The following ZXDC variants were observed in gnomAD, a reference collection of about 807,000 sequenced individuals.
The protein encoded by ZXDC is ZXD family zinc finger C, also known as zinc finger protein ZXDC.
Under a neutral mutation model 63.6 loss-of-function variants are expected in ZXDC, and 58 were observed. The observed-to-expected ratio is 0.91, with a 90% CI of 0.74 to 1.13. ZXDC has a LOEUF of 1.13. Ranked by LOEUF, ZXDC falls within the 50% of genes most tolerant of loss-of-function variation. The pLI, the probability that ZXDC is intolerant of heterozygous loss-of-function variation, is 0.00. For synonymous variants in ZXDC, 561 were observed against 496.1 expected (o/e 1.13, Z -1.74); for missense variants, 1,133 against 1,148.9 (o/e 0.99, Z 0.20).
intron 7 of ZXDC, among the ~76,000 whole-genome samples, chr3:126,444,204 T>A (rs1269748126): frequency 3.9e-5 from 6 of 152,222 alleles, no homozygotes; most frequent in Admixed American, 3.9e-4. Flanking sequence ...GCTTCATTTT[T>A]AAATTCAAAT....
chr3:126,472,375 C>T lies in ZXDC; in HGVS notation c.908-70G>A. Reference sequence around the variant, plus strand: ...TATACAACATAGCTAATGCTAGTCACACCCACCAGACCCTGTTCACACTGA... The same window carrying T: ...TATACAACATAGCTAATGCTAGTCATACCCACCAGACCCTGTTCACACTGA... On this transcript the variant is annotated intron_variant, in intron 1 of 9. Coordinates refer to ENST00000389709, the MANE Select transcript of ZXDC (RefSeq NM_025112.5). 7 of 1,563,964 alleles carry T rather than the reference C, an allele frequency of 4.5e-6. No homozygotes were observed. In the South Asian group the frequency reaches 8.0e-5, roughly 18 times the overall value.
chr3:126,442,080 A>T, intron 7 of ZXDC, 134 bp from the exon 8 acceptor site: 1 of 1,062,814 alleles, frequency 9.4e-7, no homozygotes, highest in Non-Finnish European at 1.2e-6. Context: ...ACGTAAAATC[A>T]CTTAACAGAA....
intron 7 of ZXDC, among the ~76,000 whole-genome samples, chr3:126,448,155 G>A (rs1005516673): frequency 2.0e-5 from 3 of 152,232 alleles, no homozygotes; most frequent in East Asian, 1.9e-4. Flanking sequence ...AGGGCACACC[G>A]TATGTCTTCA....
chr3:126,467,695 C>T (rs1172674814), intron 4 of ZXDC, among the ~76,000 whole-genome samples: 4 of 152,180 alleles, frequency 2.6e-5, no homozygotes, highest in Non-Finnish European at 5.9e-5. Context: ...GGAGACAGTC[C>T]GACGGCCCAG....
At chr3:126,449,139 C>T (rs1014882873) in intron 7 of ZXDC, among the ~76,000 whole-genome samples, 8 of 152,210 alleles carry the variant, frequency 5.3e-5, no homozygotes, top group African/African-American at 1.7e-4. Context: ...CCCTGCCACT[C>T]TTTCTCTTAC....
intron 7 of ZXDC, chr3:126,454,715 T>C (rs1408911881): frequency 2.0e-6 from 2 of 985,328 alleles, no homozygotes; most frequent in Admixed American, 1.2e-4. Flanking sequence ...TTCTTTCCCT[T>C]CTCTGCCCTT....
rs1935204518 is a variant in ZXDC at position 126,475,811 on chromosome 3, C to G, written c.55G>C (p.Gly19Arg). Residue 19 changes from glycine (G) to arginine (R), a missense_variant, in exon 1 of 10, where the codon GGC (glycine) becomes CGC (arginine). Coordinates refer to ENST00000389709, the MANE Select transcript of ZXDC (RefSeq NM_025112.5). ...GCTCGGCGGAGCGGGCCGGGGCCGC[C>G]GCCATGTTGCCCTCCGCGCGCAGTC... Reference protein sequence around the residue: ...APTARGGQHGGGPGPLRRAPA... With the variant: ...APTARGGQHGRGPGPLRRAPA... 8 of 1,087,266 alleles carry G rather than the reference C, an allele frequency of 7.4e-6. No individual in the cohort carries two copies. The South Asian group carries it at 3.0e-4, about 41-fold the overall frequency. The allele number at this position is 1,087,266 out of a possible 1,614,324, so 67.4% of individuals were successfully genotyped here. A position where few individuals can be genotyped will look rare whatever the true frequency, so the allele number is the denominator to read the frequency against.
At chr3:126,463,444 T>A (rs975071378) in intron 5 of ZXDC, among the ~76,000 whole-genome samples, 1 of 152,264 alleles carries the variant, frequency 6.6e-6, no homozygotes, top group African/African-American at 2.4e-5. Flanking sequence ...AATATTTGAT[T>A]ATTTGTTATT....
At chr3:126,459,315 G>C (rs1172158541) in intron 7 of ZXDC, 3 of 985,344 alleles carry the variant, frequency 3.0e-6, no homozygotes, top group Admixed American at 6.1e-5. Context: ...CAGGCCCCAA[G>C]GCCATTCAGC....
In ZXDC at chr3:126,461,703, C is replaced by T. The variant is rs79209899; in HGVS notation, c.1959G>A (p.Pro653=). The T allele has an allele frequency of 1.3e-3, 2,107 of 1,612,636 alleles. 26 individuals carry two copies. The African/African-American group carries it at 0.025, about 19-fold the overall frequency. The change falls in exon 6 of 10, where the codon CCG becomes CCA. Residue 653 remains proline, a synonymous_variant. Transcript: ENST00000389709. ...SSTPRENASV[P]ELLAPIKVEP... Reference sequence around the variant, plus strand: ...CCACCTTGATTGGAGCCAGCAGTTCCGGGACACTGGCATTTTCTCGGGGGG... The same window carrying T: ...CCACCTTGATTGGAGCCAGCAGTTCTGGGACACTGGCATTTTCTCGGGGGG...
At chr3:126,451,414 G>A (rs1484893129) in intron 7 of ZXDC, 4 of 985,288 alleles carry the variant, frequency 4.1e-6, no homozygotes, top group Non-Finnish European at 4.8e-6. Flanking sequence ...AGCAGCAGCA[G>A]CATGTGCAGC....
At chr3:126,438,754 T>C (rs1933558493) in intron 9 of ZXDC, among the ~76,000 whole-genome samples, 1 of 152,196 alleles carries the variant, frequency 6.6e-6, no homozygotes, top group Non-Finnish European at 1.5e-5. Flanking sequence ...CTGCAACCCT[T>C]TCTCCGCACT....
intron 7 of ZXDC, among the ~76,000 whole-genome samples, chr3:126,458,296 G>A (rs554325124): frequency 6.7e-5 from 10 of 149,856 alleles, no homozygotes; most frequent in African/African-American, 2.0e-4. Context: ...GAGCACAGTG[G>A]CACAATCTCG....
At position 126,475,798 on chromosome 3, in the gene ZXDC, G is replaced by T. The variant is rs1239623677; in HGVS notation, c.68C>A (p.Pro23Gln). The T allele has an allele frequency of 9.2e-7, 1 of 1,091,406 alleles. No homozygotes were observed. Among genetic ancestry groups the T allele is most frequent in the Non-Finnish European group, 1.1e-6 (1 of 899,636 alleles). 67.6% of individuals were successfully genotyped at this position (1,091,406 alleles called of 1,614,324 possible). ...GAGCGGCGCTGGGGCTCGGCGGAGCGGGCCGGGGCCGCCGCCATGTTGCCC... is the reference window on the plus strand; with the variant it reads ...GAGCGGCGCTGGGGCTCGGCGGAGCTGGCCGGGGCCGCCGCCATGTTGCCC... ...RGGQHGGGPGPLRRAPAPLGA... is the reference protein window; with the variant it reads ...RGGQHGGGPGQLRRAPAPLGA... Residue 23 changes from proline to glutamine, a missense_variant, in exon 1 of 10, where the codon CCG (proline) becomes CAG (glutamine). Physicochemically the swap from Pro to Gln is moderately conservative, Grantham distance 76. Coordinates refer to ENST00000389709, the MANE Select transcript of ZXDC (RefSeq NM_025112.5).
At chr3:126,474,825 G>A (rs1307840479) in intron 1 of ZXDC, 134 bp downstream of exon 1, 12 of 1,060,922 alleles carry the variant, frequency 1.1e-5, no homozygotes, top group East Asian at 2.6e-5. Flanking sequence ...CATGGAAGGA[G>A]CTAGAATACA....
chr3:126,452,419 G>C (rs1218959164), intron 7 of ZXDC: 1 of 985,264 alleles, frequency 1.0e-6, no homozygotes, highest in Non-Finnish European at 1.2e-6. Flanking sequence ...ACAGGTGCAG[G>C]AGCCGAGCAC....
At chr3:126,451,123 T>G in intron 7 of ZXDC, 2 of 985,470 alleles carry the variant, frequency 2.0e-6, no homozygotes, top group Non-Finnish European at 2.4e-6. Flanking sequence ...GCTCACCATT[T>G]TGATGGTAGC....
Position 126,475,101 on chromosome 3 carries a change from G to C in ZXDC, c.765C>G (p.Leu255=). The C allele has an allele frequency of 6.2e-7, 1 of 1,610,550 alleles. No individual in the cohort carries two copies. Among genetic ancestry groups the C allele is most frequent in the Non-Finnish European group, 8.5e-7 (1 of 1,178,414 alleles). Residue 255 remains leucine (L), a synonymous_variant, in exon 1 of 10, where the codon CTC becomes CTG. Coordinates refer to ENST00000389709, the MANE Select transcript of ZXDC (RefSeq NM_025112.5). ...CGKKFTTVYN[L]KAHMKGHEQE... ...GCTCGTGGCCCTTCATGTGCGCCTT[G>C]AGGTTATAGACCGTAGTGAACTTCT...
chr3:126,466,126 T>C lies in ZXDC; in HGVS notation c.1441+29A>G, dbSNP rs768807202. On this transcript the variant is annotated intron_variant, in intron 5 of 9. Coordinates refer to ENST00000389709, the MANE Select transcript of ZXDC (RefSeq NM_025112.5). Reference sequence around the variant, plus strand: ...TTCCCGTTTCTCACAGGGAAGCAGCTCCCCATGGGGGCCGTGGAAAGTGCA... The same window carrying C: ...TTCCCGTTTCTCACAGGGAAGCAGCCCCCCATGGGGGCCGTGGAAAGTGCA... 4.4e-6 allele frequency: 7 copies of C among 1,591,278 alleles called. No homozygotes were observed. The South Asian group carries it at 6.7e-5, about 15-fold the overall frequency.
Sources: allele counts gnomAD v4.1 joint callset (sites outside exome capture counted in the v4.1 genomes callset), GRCh38; gene constraint gnomAD v4.1.1; transcripts MANE v1.5; gene names NCBI Gene and HGNC (gene_info 2026-07-23, HGNC 2026-07-21).